AKT3: variants seen among roughly 807,000 people sequenced by gnomAD.
The protein encoded by AKT3 is AKT serine/threonine kinase 3.
Under a neutral mutation model 65.3 loss-of-function variants are expected in AKT3, and 15 were observed. That is an observed-to-expected ratio of 0.23 (90% CI 0.15 to 0.35). The LOEUF is 0.35. AKT3 is among the 10% of genes least tolerant of loss of function. The pLI is 1.00. For synonymous variants in AKT3, 206 were observed against 183.8 expected, an observed-to-expected ratio of 1.12 and a Z score of -0.98; for missense variants, 243 against 576.5, an observed-to-expected ratio of 0.42 and a Z score of 5.92.
intron 11 of AKT3, among the ~76,000 whole-genome samples, chr1:243,550,958 C>CA (rs60047036): frequency 0.14 from 2,494 of 17,390 alleles, 464 homozygotes; most frequent in Non-Finnish European, 0.17. Context: ...GACTCCCTCT[C>CA]AAAAAAAAAA....
At chr1:243,642,552 G>A (rs546027466) in intron 5 of AKT3, among the ~76,000 whole-genome samples, 102 of 152,182 alleles carry the variant, frequency 6.7e-4, no homozygotes, top group Middle Eastern at 3.4e-3. Context: ...CTTGTGATCC[G>A]CCCACCTTGG....
chr1:243,549,719 C>A (rs1672913206), intron 11 of AKT3, among the ~76,000 whole-genome samples: 1 of 152,076 alleles, frequency 6.6e-6, no homozygotes, highest in Non-Finnish European at 1.5e-5. Flanking sequence ...GCCACTGTGC[C>A]TGGCCCCATA....
intron 6 of AKT3, among the ~76,000 whole-genome samples, chr1:243,630,502 C>T (rs556846254): frequency 6.6e-6 from 1 of 152,278 alleles, no homozygotes. Flanking sequence ...TGATTCCAAG[C>T]AAGTTCTAAA....
intron 2 of AKT3, among the ~76,000 whole-genome samples, chr1:243,792,416 C>G (rs1331317760): frequency 6.6e-6 from 1 of 151,878 alleles, no homozygotes; most frequent in Non-Finnish European, 1.5e-5. Flanking sequence ...GTTTTGCTGA[C>G]AAGATATTAT....
At position 243,772,071 on chromosome 1, in the gene AKT3, A is replaced by G. The variant is rs371724558; in HGVS notation, c.46+71054T>C. On this transcript the variant is annotated intron_variant, in intron 2 of 13. Transcript: ENST00000673466. ...GATTAAAGACTTAAATGTTAGACCTAAAACCATAAAAACCCTAGAAGAAAA... is the reference window on the plus strand; with the variant it reads ...GATTAAAGACTTAAATGTTAGACCTGAAACCATAAAAACCCTAGAAGAAAA... Among the ~76,000 whole-genome samples, 84 of 152,366 alleles carry G rather than the reference A, an allele frequency of 5.5e-4. 1 individual carries two copies. The South Asian group carries it at 0.017, about 31-fold the overall frequency.
intron 2 of AKT3, among the ~76,000 whole-genome samples, chr1:243,751,090 A>G (rs1240573187): frequency 1.3e-5 from 2 of 152,150 alleles, no homozygotes; most frequent in African/African-American, 4.8e-5. Flanking sequence ...AAACTGCTCT[A>G]TAATTTGTCA....
chr1:243,639,632 G>A (rs574362539), intron 5 of AKT3, among the ~76,000 whole-genome samples: 1 of 152,156 alleles, frequency 6.6e-6, no homozygotes, highest in Non-Finnish European at 1.5e-5. Context: ...ATATCGGGAA[G>A]TTACCCTGTA....
intron 2 of AKT3, among the ~76,000 whole-genome samples, chr1:243,790,094 C>A (rs1379979642): frequency 1.3e-5 from 2 of 152,286 alleles, no homozygotes; most frequent in East Asian, 1.9e-4. Flanking sequence ...TAAAGGAGCA[C>A]TGACTTCAAC....
chr1:243,593,256 T>C (rs186225636), intron 8 of AKT3, among the ~76,000 whole-genome samples: 8 of 152,310 alleles, frequency 5.3e-5, no homozygotes, highest in Admixed American at 3.3e-4. Context: ...CTCAAAATCA[T>C]AGATGTAAAA....
intron 5 of AKT3, among the ~76,000 whole-genome samples, chr1:243,639,795 G>A (rs375118968): frequency 6.6e-6 from 1 of 152,166 alleles, no homozygotes; most frequent in East Asian, 1.9e-4. Flanking sequence ...TGCCTATGGA[G>A]TAGCCACCCT....
intron 2 of AKT3, among the ~76,000 whole-genome samples, chr1:243,715,373 C>T (rs1451831823): frequency 6.6e-6 from 1 of 152,060 alleles, no homozygotes; most frequent in Non-Finnish European, 1.5e-5. Context: ...AAAATATTCA[C>T]TTTTGTATAC....
rs74551335 is a variant in AKT3, at chr1:243,672,687, G to A, written c.173-7804C>T. On this transcript the variant is annotated intron_variant, in intron 3 of 13. Coordinates refer to ENST00000673466, the MANE Select transcript of AKT3 (RefSeq NM_005465.7). ...CTATTTATGAACTTGAGTTGAATTT[G>A]AAGTCACGATATGTTAATGTGAACT... is the stretch of plus-strand genomic sequence containing the variant. 8.4e-3 allele frequency among the ~76,000 whole-genome samples: 1,284 copies of A among 152,266 alleles called. 18 individuals are homozygous for A. Among genetic ancestry groups the A allele is most frequent in the African/African-American group, 0.027 (1,110 of 41,552 alleles).
intron 9 of AKT3, among the ~76,000 whole-genome samples, 171 bp from the exon 10 acceptor site, chr1:243,564,019 C>G (rs1673982053): frequency 6.6e-6 from 1 of 152,160 alleles, no homozygotes; most frequent in Admixed American, 6.5e-5. Context: ...TAAAAAGAAA[C>G]ATGTTTTATC....
chr1:243,532,561 T>C (rs1489412313), intron 12 of AKT3, among the ~76,000 whole-genome samples: 1 of 152,212 alleles, frequency 6.6e-6, no homozygotes, highest in East Asian at 1.9e-4. Flanking sequence ...TTTGCTAGTA[T>C]TGTTAAGAAA....
At chr1:243,728,647 G>A (rs1224233006) in intron 2 of AKT3, among the ~76,000 whole-genome samples, 5 of 152,164 alleles carry the variant, frequency 3.3e-5, no homozygotes, top group African/African-American at 1.2e-4. Context: ...TATGCTGTCA[G>A]TTCTTCACGA....
chr1:243,730,839 G>T (rs995312000), intron 2 of AKT3, among the ~76,000 whole-genome samples: 8 of 152,198 alleles, frequency 5.3e-5, no homozygotes, highest in African/African-American at 1.7e-4. Flanking sequence ...CAGAAACTAC[G>T]TGTGGTACGC....
intron 6 of AKT3, chr1:243,624,789 G>T: frequency 4.9e-6 from 1 of 206,040 alleles, no homozygotes; most frequent in South Asian, 1.0e-4. Flanking sequence ...GAATGAGTTT[G>T]TCTCTGTCCA....
At chr1:243,819,672 A>G (rs1209416301) in intron 2 of AKT3, among the ~76,000 whole-genome samples, 1 of 152,122 alleles carries the variant, frequency 6.6e-6, no homozygotes, top group African/African-American at 2.4e-5. Flanking sequence ...CAGGTCCTGG[A>G]TCTTGTGCCT....
intron 2 of AKT3, among the ~76,000 whole-genome samples, chr1:243,701,387 T>C (rs945807040): frequency 2.6e-5 from 4 of 152,196 alleles, no homozygotes; most frequent in Admixed American, 2.6e-4. Flanking sequence ...GGTAGAAAGA[T>C]GTGAAGTGAG....
Sources: gnomAD v4.1 joint callset for allele counts (sites outside exome capture counted in the v4.1 genomes callset) on GRCh38, gnomAD v4.1.1 for gene constraint, MANE v1.5 for transcripts, NCBI Gene and HGNC (gene_info 2026-07-23, HGNC 2026-07-21) for gene names.